MYL2: variants seen among roughly 807,000 people sequenced by gnomAD.
MYL2 encodes myosin light chain 2.
MYL2 carries 19 observed loss-of-function variants against 23.0 expected under a neutral mutation model. The observed-to-expected ratio is 0.83, with a 90% CI of 0.58 to 1.21. The LOEUF (loss-of-function observed/expected upper bound fraction) is 1.21. Ranked by LOEUF, MYL2 falls within the 50% of genes most tolerant of loss-of-function variation. The pLI is 0.00. For synonymous variants in MYL2, 78 were observed against 76.2 expected, an observed-to-expected ratio of 1.02 and a Z score of -0.13; for missense variants, 180 against 215.1, an observed-to-expected ratio of 0.84 and a Z score of 1.02.
At chr12:110,919,001 G>T in intron 2 of MYL2, 103 bp downstream of exon 2, 1 of 997,382 alleles carries the variant, frequency 1.0e-6, no homozygotes, top group Non-Finnish European at 1.6e-6. Flanking sequence ...GGAGGATAGA[G>T]GCATCTAATG....
intron 2 of MYL2, among the ~76,000 whole-genome samples, chr12:110,916,952 G>A (rs1203706290): frequency 1.3e-5 from 2 of 152,070 alleles, no homozygotes; most frequent in Admixed American, 6.5e-5. Flanking sequence ...GGGTTCAAGC[G>A]ATTCTCCTGC....
At chr12:110,919,284 G>T in intron 1 of MYL2, 91 bp from the exon 2 acceptor site, 1 of 1,016,056 alleles carries the variant, frequency 9.8e-7, no homozygotes, top group South Asian at 1.4e-5. Flanking sequence ...CATCTCTGTT[G>T]CAGGGCTCAG....
At chr12:110,917,512 C>CAA (rs2071694878) in intron 2 of MYL2, among the ~76,000 whole-genome samples, 1 of 150,768 alleles carries the variant, frequency 6.6e-6, no homozygotes, top group African/African-American at 2.4e-5. Flanking sequence ...AACAAACAAA[C>CAA]AAACAAACAG....
At position 110,916,737 on chromosome 12, in the gene MYL2, G is replaced by C. The variant is rs569452937; in HGVS notation, c.94-947C>G. ...GGGTGATGGAAATATTCTGAAATTA[G>C]ATAGTGGTGATGGTTGCACAACTTT... On this transcript the variant is annotated intron_variant, in intron 2 of 6. Transcript: ENST00000228841. Among the ~76,000 whole-genome samples, 3 of 152,290 alleles carry C rather than the reference G, an allele frequency of 2.0e-5. No homozygotes were observed. In the South Asian group the frequency reaches 6.2e-4, roughly 32 times the overall value.
chr12:110,921,150 G>T (rs1221641341), upstream of MYL2, among the ~76,000 whole-genome samples: 2 of 152,204 alleles, frequency 1.3e-5, no homozygotes, highest in African/African-American at 4.8e-5. Flanking sequence ...CTTGAGCCTA[G>T]GAGTTTGCGA....
In MYL2 at chr12:110,913,314, AG is replaced by A; in HGVS notation, c.284del (p.Pro95LeufsTer20). 6.2e-7 allele frequency: 1 copy of A among 1,614,204 alleles called. No individual in the cohort carries two copies. Among genetic ancestry groups the A allele is most frequent in the Non-Finnish European group, 8.5e-7 (1 of 1,180,040 alleles). Reference sequence around the variant, plus strand: ...TGAATGCGTTGAGAATGGTTTCCTCAGGGTCCGCTCCTGAAACGGAACACAG... The same window carrying A: ...TGAATGCGTTGAGAATGGTTTCCTCAGGTCCGCTCCTGAAACGGAACACAG... ...MFGEKLKGAD[P>X]EETILNAFKV... On this transcript the variant is annotated frameshift_variant, in exon 5 of 7. Transcript: ENST00000228841. LOFTEE classifies it high-confidence loss of function.
At chr12:110,917,700 G>A (rs753998538) in intron 2 of MYL2, among the ~76,000 whole-genome samples, 4 of 152,238 alleles carry the variant, frequency 2.6e-5, no homozygotes, top group East Asian at 3.9e-4. Flanking sequence ...TATGGGACAC[G>A]GCATTCCTGC....
At position 110,913,055 on chromosome 12, in the gene MYL2, C is replaced by G. The variant is rs1184977836; in HGVS notation, c.402+41G>C. 5 of 1,612,672 alleles carry G rather than the reference C, an allele frequency of 3.1e-6. No individual in the cohort carries two copies. The Admixed American group carries it at 5.0e-5, about 16-fold the overall frequency. On this transcript the variant is annotated intron_variant, in intron 6 of 6. Transcript: ENST00000228841. Reference sequence around the variant, plus strand: ...GACGGAGCCCCCCAGAAGGAGAACCCAGGAGCTGGGTTAGAGGGAGTGCTT... The same window carrying G: ...GACGGAGCCCCCCAGAAGGAGAACCGAGGAGCTGGGTTAGAGGGAGTGCTT...
Position 110,918,120 on chromosome 12 carries a change from T to C in MYL2, c.93+984A>G, listed in dbSNP as rs966447323. Among the ~76,000 whole-genome samples the C allele has an allele frequency of 1.3e-5, 2 of 152,096 alleles. No individual in the cohort carries two copies. The highest frequency in any genetic ancestry group is 2.9e-5 in the Non-Finnish European group (2 of 68,020). On this transcript the variant is annotated intron_variant, in intron 2 of 6. Coordinates refer to ENST00000228841, the MANE Select transcript of MYL2 (RefSeq NM_000432.4). This position sits in a 1 kb window ranked among gnomAD's most constrained non-coding sequence, Gnocchi z 4.4. ...AGAAAGCAGTCTGGTCTCTTTAGCA[T>C]CATTTTAGCATAGTTCCCTCTGGAA...
intron 2 of MYL2, among the ~76,000 whole-genome samples, chr12:110,917,326 G>A (rs1431813626): frequency 1.3e-5 from 2 of 152,006 alleles, no homozygotes; most frequent in Admixed American, 1.3e-4. Flanking sequence ...CAGGTGCAGT[G>A]GCTCACGCCT....
intron 3 of MYL2, 82 bp from the exon 4 acceptor site, chr12:110,914,372 CACTTCA>C (rs1362817880): frequency 1.1e-6 from 1 of 933,610 alleles, no homozygotes; most frequent in Admixed American, 1.8e-5. Context: ...CCTGGGATTC[CACTTCA>C]AGAAATCTAG....
At chr12:110,920,833 G>A (rs1592803420), upstream of MYL2, 1 of 540,274 alleles carries the variant, frequency 1.9e-6, no homozygotes, top group East Asian at 3.1e-5. Flanking sequence ...CGGTGCTTGG[G>A]CCGGGGACAC....
Position 110,914,182 on chromosome 12 carries a change from T to C in MYL2, c.274+4A>G, listed in dbSNP as rs2136772104. The C allele has an allele frequency of 6.2e-7, 1 of 1,605,758 alleles. No individual in the cohort carries two copies. Among genetic ancestry groups the C allele is most frequent in the Non-Finnish European group, 8.5e-7 (1 of 1,172,822 alleles). ...CAGACACACACACACACACACGACC[T>C]TACCCTTAAGTTTCTCCCCAAACAT... On this transcript the variant is annotated splice_donor_region_variant and intron_variant, in intron 4 of 6. Coordinates refer to ENST00000228841, the MANE Select transcript of MYL2 (RefSeq NM_000432.4).
chr12:110,917,175 C>T (rs1471799169), intron 2 of MYL2, among the ~76,000 whole-genome samples: 1 of 152,028 alleles, frequency 6.6e-6, no homozygotes, highest in African/African-American at 2.4e-5. Context: ...AACACTTGGG[C>T]ATTTATAAAG....
chr12:110,911,700 G>A (rs2071654077), intron 6 of MYL2, among the ~76,000 whole-genome samples: 1 of 152,168 alleles, frequency 6.6e-6, no homozygotes, highest in Non-Finnish European at 1.5e-5. Context: ...GGCCAGGCAG[G>A]TTATGCAAGG....
In MYL2 at chr12:110,918,792, G is replaced by T; in HGVS notation, c.93+312C>A. 2.9e-6 allele frequency: 1 copy of T among 350,288 alleles called. No homozygotes were observed. The highest frequency in any genetic ancestry group is 5.3e-6 in the Non-Finnish European group (1 of 187,078). The allele number at this position is 350,288 out of a possible 1,614,324, so 21.7% of individuals were successfully genotyped here. On this transcript the variant is annotated intron_variant, in intron 2 of 6. Coordinates refer to ENST00000228841, the MANE Select transcript of MYL2 (RefSeq NM_000432.4). The surrounding 1 kb of genome is among the most constrained non-coding windows in gnomAD (Gnocchi z 4.4). ...ATAGATAACAAAAATGGTTTGAAGG[G>T]TATATACTAAAATGTGAACTGATTA...
chr12:110,916,051 C>G (rs34849858), intron 2 of MYL2, among the ~76,000 whole-genome samples: 1 of 152,160 alleles, frequency 6.6e-6, no homozygotes, highest in Non-Finnish European at 1.5e-5. Flanking sequence ...AGCCTGTACA[C>G]AAGGCTGGGC....
chr12:110,910,993 G>T lies in MYL2; in HGVS notation c.*84C>A. Reference sequence around the variant, plus strand: ...CCACATGGCTAACAGACAAGGTAGGGACAGAGGCGGTACTCGGGGGAGAGA... The same window carrying T: ...CCACATGGCTAACAGACAAGGTAGGTACAGAGGCGGTACTCGGGGGAGAGA... On this transcript the variant is annotated 3_prime_UTR_variant, in exon 7 of 7. Transcript: ENST00000228841. 1.6e-6 allele frequency: 2 copies of T among 1,236,622 alleles called. No individual in the cohort carries two copies. The highest frequency in any genetic ancestry group is 1.2e-5 in the South Asian group (1 of 83,392). The allele number at this position is 1,236,622 out of a possible 1,614,324, so 76.6% of individuals were successfully genotyped here.
intron 2 of MYL2, among the ~76,000 whole-genome samples, chr12:110,916,074 G>A (rs974829626): frequency 3.3e-5 from 5 of 152,194 alleles, no homozygotes; most frequent in African/African-American, 9.6e-5. Context: ...AGTGGCTCAC[G>A]CCTGTAATCC....
Sources: gnomAD v4.1 joint callset for allele counts (sites outside exome capture counted in the v4.1 genomes callset) on GRCh38, gnomAD v4.1.1 for gene constraint, Gnocchi (gnomAD v3.1) non-coding constraint, MANE v1.5 for transcripts, NCBI Gene and HGNC (gene_info 2026-07-23, HGNC 2026-07-21) for gene names.